Variants in PCDHGA9 observed in about 807,000 individuals in gnomAD.
PCDHGA9 encodes protocadherin gamma-A9.
A neutral mutation model predicts 62.5 loss-of-function variants in PCDHGA9; 37 were observed. The ratio of observed to expected loss-of-function variants is 0.59; its 90% CI spans 0.46 to 0.78. The LOEUF (loss-of-function observed/expected upper bound fraction) is 0.78, where lower values mean the gene tolerates loss of function less well. Ranked by LOEUF, PCDHGA9 falls within the 30% of genes least tolerant of loss-of-function variation. PCDHGA9 has a pLI of 0.00. For synonymous variants in PCDHGA9, 459 were observed against 484.6 expected, an observed-to-expected ratio of 0.95 and a Z score of 0.69; for missense variants, 1,138 against 1,166.2, an observed-to-expected ratio of 0.98 and a Z score of 0.35.
chr5:141,402,858 G>A lies in PCDHGA9; in HGVS notation c.-95G>A. ...GCAAAACTCAGCCTCTTTCTTCTAA[G>A]GAAAAGATCACCATACTTTGCAGGG... is the stretch of plus-strand genomic sequence containing the variant. On this transcript the variant is annotated 5_prime_UTR_variant, in exon 1 of 4. Coordinates refer to ENST00000573521, the MANE Select transcript of PCDHGA9 (RefSeq NM_018921.3). 1.4e-6 allele frequency: 2 copies of A among 1,427,466 alleles called. No homozygotes were observed. Among genetic ancestry groups the A allele is most frequent in the Admixed American group, 2.9e-5 (1 of 34,458 alleles). The allele number at this position is 1,427,466 out of a possible 1,614,324, so 88.4% of individuals were successfully genotyped here.
intron 1 of PCDHGA9, among the ~76,000 whole-genome samples, chr5:141,434,567 C>T (rs1220152239): frequency 6.6e-6 from 1 of 152,206 alleles, no homozygotes; most frequent in East Asian, 1.9e-4. Flanking sequence ...TAAGGACATG[C>T]CCCTGCTGCA....
chr5:141,414,134 A>G, intron 1 of PCDHGA9: 1 of 1,595,028 alleles, frequency 6.3e-7, no homozygotes, highest in Non-Finnish European at 8.5e-7. Flanking sequence ...GGTTTCTATG[A>G]AATAGAAATA....
rs1562150111 is a variant in PCDHGA9, at chr5:141,491,805, T to G, written c.2425-3002T>G. 1 of 1,495,892 alleles carries G rather than the reference T, an allele frequency of 6.7e-7. No homozygotes were observed. 92.7% of individuals were successfully genotyped at this position (1,495,892 alleles called of 1,614,324 possible). A position where few individuals can be genotyped will look rare whatever the true frequency, so the allele number is the denominator to read the frequency against. On this transcript the variant is annotated intron_variant, in intron 1 of 3. Coordinates refer to ENST00000573521, the MANE Select transcript of PCDHGA9 (RefSeq NM_018921.3). This position sits in a 1 kb window ranked among gnomAD's most constrained non-coding sequence, Gnocchi z 6.9. ...TGCATCCACTCCTCTCCGGCCGGCT[T>G]GGTCGCTGGCTGCGCTCCACCCGAT... is the stretch of plus-strand genomic sequence containing the variant.
chr5:141,425,394 G>C (rs186813737), intron 1 of PCDHGA9, among the ~76,000 whole-genome samples: 2 of 152,184 alleles, frequency 1.3e-5, no homozygotes, highest in Non-Finnish European at 2.9e-5. Context: ...TAGTGATAAA[G>C]TTCTGTTAAG....
intron 1 of PCDHGA9, among the ~76,000 whole-genome samples, chr5:141,481,710 T>C (rs1447483213): frequency 6.6e-6 from 1 of 151,556 alleles, no homozygotes; most frequent in Non-Finnish European, 1.5e-5. Context: ...TCCCAGCACT[T>C]TGGGAGGCGG....
chr5:141,412,219 C>T (rs549742411), intron 1 of PCDHGA9: 1 of 152,334 alleles, frequency 6.6e-6, no homozygotes, highest in African/African-American at 2.4e-5. Context: ...TAAACACTTA[C>T]TTGTTAAAAA....
intron 1 of PCDHGA9, among the ~76,000 whole-genome samples, chr5:141,436,522 C>T (rs933890051): frequency 3.9e-5 from 6 of 152,088 alleles, no homozygotes; most frequent in African/African-American, 1.4e-4. Context: ...ACTGTGTCAC[C>T]TTTAGCAAGT....
intron 1 of PCDHGA9, chr5:141,409,619 C>A: frequency 6.2e-7 from 1 of 1,613,898 alleles, no homozygotes; most frequent in Non-Finnish European, 8.5e-7. Flanking sequence ...CTCCATTGCG[C>A]AAGTGAGCGC....
chr5:141,504,728 G>A (rs978910481), intron 2 of PCDHGA9, among the ~76,000 whole-genome samples: 5 of 151,522 alleles, frequency 3.3e-5, no homozygotes, highest in African/African-American at 9.7e-5. Context: ...TACTCTGAGG[G>A]CTTAGGAAGC....
chr5:141,462,682 G>T (rs560423384), intron 1 of PCDHGA9, among the ~76,000 whole-genome samples: 2 of 151,790 alleles, frequency 1.3e-5, no homozygotes, highest in Non-Finnish European at 2.9e-5. Context: ...TTAAATTTTT[G>T]AGCACATTTA....
intron 2 of PCDHGA9, among the ~76,000 whole-genome samples, chr5:141,503,239 C>G (rs1364808315): frequency 6.6e-6 from 1 of 152,088 alleles, no homozygotes; most frequent in Non-Finnish European, 1.5e-5. Flanking sequence ...TGGACAGTTT[C>G]TATCATACTC....
chr5:141,451,497 G>T (rs2098717489), intron 1 of PCDHGA9, among the ~76,000 whole-genome samples: 1 of 152,214 alleles, frequency 6.6e-6, no homozygotes, highest in Admixed American at 6.5e-5. Flanking sequence ...CCTCCATAGG[G>T]CAACCAGCTT....
intron 1 of PCDHGA9, chr5:141,427,753 T>A (rs745532152): frequency 4.5e-6 from 6 of 1,322,510 alleles, no homozygotes; most frequent in Non-Finnish European, 6.4e-6. Flanking sequence ...TACTCCATCG[T>A]TACCACTGAC....
At chr5:141,445,213 A>C (rs775782586) in intron 1 of PCDHGA9, among the ~76,000 whole-genome samples, 1 of 152,226 alleles carries the variant, frequency 6.6e-6, no homozygotes, top group Non-Finnish European at 1.5e-5. Context: ...TTGAAAAGTA[A>C]GAGGTGCAAA....
intron 1 of PCDHGA9, chr5:141,421,419 A>T (rs778839137): frequency 1.2e-6 from 2 of 1,614,072 alleles, no homozygotes; most frequent in Non-Finnish European, 1.7e-6. Context: ...CGAAGCGCGG[A>T]GTCCGCATCG....
chr5:141,449,876 C>G (rs924666805), intron 1 of PCDHGA9, among the ~76,000 whole-genome samples: 2 of 151,724 alleles, frequency 1.3e-5, no homozygotes, highest in Non-Finnish European at 2.9e-5. Flanking sequence ...AATTTAACAT[C>G]AATGCAATAT....
rs2099623095 is a variant in PCDHGA9 at position 141,486,025 on chromosome 5, T to C, written c.2425-8782T>C. 1 of 1,613,958 alleles carries C rather than the reference T, an allele frequency of 6.2e-7. No individual in the cohort carries two copies. The highest frequency in any genetic ancestry group is 8.5e-7 in the Non-Finnish European group (1 of 1,179,932). The stretch of plus-strand genomic sequence containing the variant: ...ACGTCACCTTTTATTTCAGTGGTCA[T>C]ACCCCTGATCGTGTAAGAAACCTCT... On this transcript the variant is annotated intron_variant, in intron 1 of 3. Transcript: ENST00000573521. The surrounding 1 kb of genome is among the most constrained non-coding windows in gnomAD (Gnocchi z 5.0).
Position 141,433,407 on chromosome 5 carries a change from T to C in PCDHGA9, c.2424+28031T>C, listed in dbSNP as rs939103465. Among the ~76,000 whole-genome samples, 537 of 125,956 alleles carry C rather than the reference T, an allele frequency of 4.3e-3. 4 individuals carry two copies. Among genetic ancestry groups the C allele is most frequent in the African/African-American group, 0.016 (523 of 33,156 alleles). The allele number at this position is 125,956 out of a possible 152,430, so 82.6% of individuals were successfully genotyped here. On this transcript the variant is annotated intron_variant, in intron 1 of 3. Coordinates refer to ENST00000573521, the MANE Select transcript of PCDHGA9 (RefSeq NM_018921.3). ...TCTATCTATCTATCTATCTATCTATTACTTTCTTGTACAGACAGGAGTCTC... is the reference window on the plus strand; with the variant it reads ...TCTATCTATCTATCTATCTATCTATCACTTTCTTGTACAGACAGGAGTCTC...
intron 1 of PCDHGA9, chr5:141,414,822 C>A: frequency 6.2e-7 from 1 of 1,614,240 alleles, no homozygotes; most frequent in Non-Finnish European, 8.5e-7. Context: ...TCAGCAGCAA[C>A]GTGTCGTTGA....
Sources: gnomAD v4.1 joint callset for allele counts (sites outside exome capture counted in the v4.1 genomes callset) on GRCh38, gnomAD v4.1.1 for gene constraint, Gnocchi (gnomAD v3.1) non-coding constraint, MANE v1.5 for transcripts, NCBI Gene and HGNC (gene_info 2026-07-23, HGNC 2026-07-21) for gene names.